DNAH6: variants seen among roughly 807,000 people sequenced by gnomAD.
The protein encoded by DNAH6 is axonemal beta dynein heavy chain 6.
In DNAH6, 340 loss-of-function variants were observed where a neutral mutation model predicts 491.4. The ratio of observed to expected loss-of-function variants is 0.69; its 90% CI spans 0.63 to 0.76. DNAH6 has a LOEUF of 0.76. DNAH6 is among the 30% of genes least tolerant of loss of function. The pLI, the probability that DNAH6 is intolerant of heterozygous loss-of-function variation, is 0.00. For missense variants in DNAH6, 4,443 were observed against 4,972.2 expected (o/e 0.89, Z 3.20); for synonymous variants, 1,603 against 1,686.1 (o/e 0.95, Z 1.21).
At chr2:84,686,429 A>C in intron 43 of DNAH6, 55 bp from the exon 44 acceptor site, 1 of 1,014,728 alleles carries the variant, frequency 9.9e-7, no homozygotes, top group Non-Finnish European at 1.5e-6. Flanking sequence ...TATCACTAAA[A>C]TATTCCATTC....
chr2:84,635,702 C>A (rs1423954770), intron 30 of DNAH6, among the ~76,000 whole-genome samples: 3 of 152,124 alleles, frequency 2.0e-5, no homozygotes, highest in Non-Finnish European at 4.4e-5. Flanking sequence ...CAGCCTCGTC[C>A]TGAAGCTGCC....
intron 12 of DNAH6, 114 bp downstream of exon 12, chr2:84,573,701 G>A (rs1244489216): frequency 1.6e-5 from 14 of 860,564 alleles, no homozygotes; most frequent in Non-Finnish European, 2.4e-5. Flanking sequence ...CAAAAGAGTT[G>A]GCCTGACATA....
chr2:84,624,624 A>T lies in DNAH6; in HGVS notation c.4353+4A>T. ...ATTGGTTATTACTCCACTCACAGTA[A>T]GTTATTGATCACTTGGGTTAATATT... On this transcript the variant is annotated splice_donor_region_variant and intron_variant, in intron 28 of 76. Transcript: ENST00000389394. 6.4e-7 allele frequency: 1 copy of T among 1,550,992 alleles called. No individual in the cohort carries two copies. The highest frequency in any genetic ancestry group is 8.7e-7 in the Non-Finnish European group (1 of 1,146,694).
chr2:84,506,033 C>A, the DNAH6 span, among the ~76,000 whole-genome samples: 5 of 152,194 alleles, frequency 3.3e-5, no homozygotes, highest in Non-Finnish European at 5.9e-5. Flanking sequence ...ATGCATGTGT[C>A]TTTATAGCAG....
At chr2:84,733,643 T>C (rs990357833) in intron 62 of DNAH6, 64 bp downstream of exon 62, 6 of 1,420,754 alleles carry the variant, frequency 4.2e-6, no homozygotes, top group Non-Finnish European at 5.7e-6. Context: ...CTAATCTTAA[T>C]GTTTTCTTTA....
intron 29 of DNAH6, among the ~76,000 whole-genome samples, chr2:84,629,874 C>T (rs575030535): frequency 6.6e-6 from 1 of 152,148 alleles, no homozygotes; most frequent in Middle Eastern, 3.4e-3. Context: ...TATCAATAAT[C>T]AGAATGTTAC....
At chr2:84,493,271 G>A in the DNAH6 span, among the ~76,000 whole-genome samples, 1 of 152,014 alleles carries the variant, frequency 6.6e-6, no homozygotes, top group African/African-American at 2.4e-5. Context: ...TATACCATAT[G>A]TATATTTTTA....
chr2:84,808,333 TTAAGA>T, intron 71 of DNAH6, 77 bp from the exon 72 acceptor site: 5 of 1,383,634 alleles, frequency 3.6e-6, no homozygotes, highest in Non-Finnish European at 4.7e-6. Flanking sequence ...TTTAAAAATG[TTAAGA>T]TAAGCACATT....
At chr2:84,638,241 G>A (rs984453111) in intron 31 of DNAH6, among the ~76,000 whole-genome samples, 2 of 152,054 alleles carry the variant, frequency 1.3e-5, no homozygotes, top group African/African-American at 4.8e-5. Context: ...ACTAAATGGA[G>A]GTCAAGCAAT....
Position 84,704,206 on chromosome 2 carries a change from T to G in DNAH6, c.8369T>G (p.Leu2790Ter). The change falls in exon 51 of 77, where the codon TTA (leucine) becomes TGA (stop). Residue 2790 changes from leucine to a stop codon, truncating the protein, a stop_gained. Transcript: ENST00000389394. LOFTEE classifies it high-confidence loss of function. ...GCTGCCAATAAAGCACTGGATTCCTTAGATAAGGCAGATATATCTGAAATC... is the reference window on the plus strand; with the variant it reads ...GCTGCCAATAAAGCACTGGATTCCTGAGATAAGGCAGATATATCTGAAATC... ...LDAANKALDS[L>*]DKADISEIRV... 1.9e-6 allele frequency: 3 copies of G among 1,551,930 alleles called. No individual in the cohort carries two copies. The highest frequency in any genetic ancestry group is 2.6e-6 in the Non-Finnish European group (3 of 1,147,060).
intron 11 of DNAH6, among the ~76,000 whole-genome samples, chr2:84,567,766 G>A (rs1042591924): frequency 5.3e-5 from 8 of 152,076 alleles, no homozygotes; most frequent in Non-Finnish European, 7.4e-5. Flanking sequence ...AACATCAAAA[G>A]CAATTGCAAC....
intron 37 of DNAH6, among the ~76,000 whole-genome samples, chr2:84,664,690 A>G (rs556266487): frequency 1.3e-5 from 2 of 152,288 alleles, no homozygotes; most frequent in South Asian, 4.1e-4. Flanking sequence ...ACAGATCAAC[A>G]AGATAGAAAG....
chr2:84,632,224 T>C (rs1031778639), intron 29 of DNAH6, among the ~76,000 whole-genome samples: 3 of 152,190 alleles, frequency 2.0e-5, no homozygotes, highest in Admixed American at 2.0e-4. Context: ...TTTTGCATCC[T>C]GGGGCAATGC....
chr2:84,501,396 C>A, the DNAH6 span, among the ~76,000 whole-genome samples: 3 of 151,916 alleles, frequency 2.0e-5, no homozygotes, highest in African/African-American at 7.3e-5. Context: ...AATGAATGAT[C>A]TTTCTAATGT....
rs577185756 is a variant in DNAH6 at position 84,544,456 on chromosome 2, G to A, written c.886G>A (p.Gly296Arg). 1.3e-6 allele frequency: 2 copies of A among 1,518,916 alleles called. No homozygotes were observed. The highest frequency in any genetic ancestry group is 2.4e-5 in the South Asian group (2 of 83,056). 94.1% of individuals were successfully genotyped at this position (1,518,916 alleles called of 1,614,324 possible). A position where few individuals can be genotyped will look rare whatever the true frequency, so the allele number is the denominator to read the frequency against. Reference sequence around the variant, plus strand: ...GAATGTCCGCTCCAAGAAAATCACTGGATGTCAAAAATCTCTACAAAAAAA... The same window carrying A: ...GAATGTCCGCTCCAAGAAAATCACTAGATGTCAAAAATCTCTACAAAAAAA... Reference protein sequence around the residue: ...RKNVRSKKITGCQKSLQKNLF... With the variant: ...RKNVRSKKITRCQKSLQKNLF... Residue 296 changes from glycine to arginine, a missense_variant, in exon 5 of 77, where the codon GGA becomes AGA. Physicochemically the swap from Gly to Arg is moderately radical, Grantham distance 125. This residue lies in a region of DNAH6 where 2,977 missense variants were observed against 3,296.6 expected (regional missense o/e 0.90). Transcript: ENST00000389394.
At chr2:84,768,540 C>A (rs2105163373) in intron 64 of DNAH6, among the ~76,000 whole-genome samples, 1 of 151,818 alleles carries the variant, frequency 6.6e-6, no homozygotes, top group Non-Finnish European at 1.5e-5. Flanking sequence ...TCTGAATAGT[C>A]CAATAATTTT....
chr2:84,666,243 T>C (rs1303481381), intron 37 of DNAH6, among the ~76,000 whole-genome samples: 2 of 152,156 alleles, frequency 1.3e-5, no homozygotes, highest in African/African-American at 2.4e-5. Context: ...TGTTGGAAGT[T>C]CTGGCCAGGG....
chr2:84,703,427 G>A lies in DNAH6; in HGVS notation c.8094G>A (p.Lys2698=). 3 of 1,544,628 alleles carry A rather than the reference G, an allele frequency of 1.9e-6. No individual in the cohort carries two copies. The highest frequency in any genetic ancestry group is 2.6e-6 in the Non-Finnish European group (3 of 1,143,492). The change falls in exon 50 of 77, where the codon AAG becomes AAA. Residue 2698 remains lysine (K), a synonymous_variant. Coordinates refer to ENST00000389394, the MANE Select transcript of DNAH6 (RefSeq NM_001370.2). ...ARDRVKNGLT[K]LLETNILVDK... is the part of the protein sequence containing the mutation. ...ATCGGGTGAAGAATGGTCTCACCAA[G>A]CTACTAGAAACAAACATACTAGTAG...
At chr2:84,738,030 G>A (rs1378064019) in intron 62 of DNAH6, among the ~76,000 whole-genome samples, 1 of 151,990 alleles carries the variant, frequency 6.6e-6, no homozygotes, top group Non-Finnish European at 1.5e-5. Flanking sequence ...CATCCCAGAG[G>A]TTTTGATACA....
Sources: gnomAD v4.1 joint callset for allele counts (sites outside exome capture counted in the v4.1 genomes callset) on GRCh38, gnomAD v4.1.1 for gene constraint, gnomAD v4.1.1 regional missense constraint, MANE v1.5 for transcripts, NCBI Gene and HGNC (gene_info 2026-07-23, HGNC 2026-07-21) for gene names.